DLG2: variants seen among roughly 807,000 people sequenced by gnomAD.
DLG2 encodes the protein discs large MAGUK scaffold protein 2.
In DLG2, 45 loss-of-function variants were observed where a neutral mutation model predicts 132.5. The observed-to-expected ratio is 0.34, with a 90% confidence interval of 0.27 to 0.44. DLG2 has a LOEUF of 0.44. Ranked by LOEUF, DLG2 falls within the 20% of genes least tolerant of loss-of-function variation. The pLI is 1.00. For missense variants in DLG2, 1,045 were observed against 1,196.9 expected (o/e 0.87, Z 1.87); for synonymous variants, 424 against 419.6 (o/e 1.01, Z -0.13).
At chr11:84,942,477 G>A (rs6592218) in intron 6 of DLG2, among the ~76,000 whole-genome samples, 78,572 of 152,012 alleles carry the variant, frequency 0.52, 20,591 homozygotes, top group East Asian at 0.7. Flanking sequence ...GACACACTAG[G>A]CACATTCAAG....
chr11:83,600,236 G>GGTGGGT (rs1555231718), intron 19 of DLG2, among the ~76,000 whole-genome samples: 1 of 145,512 alleles, frequency 6.9e-6, no homozygotes, highest in Admixed American at 6.9e-5. Flanking sequence ...CTAGCTATAG[G>GGTGGGT]GTGTGTGTGT....
At chr11:85,529,077 G>A (rs971960725) in intron 3 of DLG2, among the ~76,000 whole-genome samples, 6 of 152,144 alleles carry the variant, frequency 3.9e-5, no homozygotes, top group Non-Finnish European at 7.4e-5. Flanking sequence ...ACGAATCTAC[G>A]TGTATTTTAG....
chr11:83,855,894 T>C lies in DLG2; in HGVS notation c.1565+18526A>G, dbSNP rs907110675. Among the ~76,000 whole-genome samples the C allele has an allele frequency of 1.1e-4, 16 of 152,270 alleles. No individual in the cohort carries two copies. In the East Asian group the frequency reaches 2.9e-3, roughly 28 times the overall value. On this transcript the variant is annotated intron_variant, in intron 16 of 27. Coordinates refer to ENST00000376104, the MANE Select transcript of DLG2 (RefSeq NM_001142699.3). ...TTTGCTACATAGGTAAACTTGTTTG[T>C]TGTACTTGAAGGTTTGTTGTACAGG...
At chr11:84,519,507 C>T (rs1349142546) in intron 7 of DLG2, among the ~76,000 whole-genome samples, 2 of 152,132 alleles carry the variant, frequency 1.3e-5, no homozygotes, top group Admixed American at 6.5e-5. Flanking sequence ...TGTAAGAATA[C>T]ATCAAAAATA....
At chr11:83,549,616 A>G (rs1053497450) in intron 19 of DLG2, among the ~76,000 whole-genome samples, 3 of 152,198 alleles carry the variant, frequency 2.0e-5, no homozygotes, top group African/African-American at 7.2e-5. Context: ...AACTTCTTCA[A>G]AACATTTTCT....
chr11:85,628,100 G>A (rs1439691465), upstream of DLG2, among the ~76,000 whole-genome samples: 3 of 152,194 alleles, frequency 2.0e-5, no homozygotes, highest in Non-Finnish European at 4.4e-5. Context: ...ACGGCTGAGA[G>A]GAGAGGAGGC....
At chr11:84,380,124 G>A (rs1278297691) in intron 7 of DLG2, among the ~76,000 whole-genome samples, 4 of 151,886 alleles carry the variant, frequency 2.6e-5, no homozygotes, top group Admixed American at 1.3e-4. Flanking sequence ...AACATTTTTG[G>A]ACAAACAATG....
intron 16 of DLG2, among the ~76,000 whole-genome samples, chr11:83,840,394 C>A (rs2057284314): frequency 6.6e-6 from 1 of 152,164 alleles, no homozygotes. Flanking sequence ...GTCTCCATTT[C>A]ATATTATAAT....
chr11:85,085,926 G>A (rs932483149), intron 6 of DLG2, among the ~76,000 whole-genome samples: 1 of 152,108 alleles, frequency 6.6e-6, no homozygotes, highest in African/African-American at 2.4e-5. Flanking sequence ...TGGTTAGGTT[G>A]TAATTAAAAC....
At chr11:83,528,770 C>T (rs1467253148) in intron 21 of DLG2, among the ~76,000 whole-genome samples, 1 of 152,046 alleles carries the variant, frequency 6.6e-6, no homozygotes, top group Non-Finnish European at 1.5e-5. Context: ...CTGTTCATTC[C>T]CTAAATTGAT....
At chr11:84,282,324 A>G (rs1446050885) in intron 7 of DLG2, among the ~76,000 whole-genome samples, 3 of 152,200 alleles carry the variant, frequency 2.0e-5, no homozygotes, top group African/African-American at 7.2e-5. Context: ...ATAAAGACAG[A>G]AAGGAGAGTA....
chr11:84,612,851 T>C (rs1341191291), intron 6 of DLG2, among the ~76,000 whole-genome samples: 1 of 152,168 alleles, frequency 6.6e-6, no homozygotes, highest in Non-Finnish European at 1.5e-5. Flanking sequence ...TTACGTCATT[T>C]GTCCAATACA....
chr11:85,220,317 A>G (rs188205881), intron 4 of DLG2, among the ~76,000 whole-genome samples: 18 of 152,234 alleles, frequency 1.2e-4, no homozygotes, highest in Admixed American at 6.5e-4. Context: ...TTAAGCATCT[A>G]AAGAGGTAAA....
intron 3 of DLG2, among the ~76,000 whole-genome samples, chr11:85,482,244 T>C (rs1226235532): frequency 1.3e-5 from 2 of 151,888 alleles, no homozygotes; most frequent in East Asian, 1.9e-4. Context: ...TCTGTGAATA[T>C]AGGATCCAGG....
intron 6 of DLG2, among the ~76,000 whole-genome samples, chr11:84,536,930 G>A (rs916785532): frequency 6.6e-6 from 1 of 152,084 alleles, no homozygotes; most frequent in African/African-American, 2.4e-5. Context: ...CTGTCTGTGG[G>A]GTTGCCCGTT....
chr11:83,846,099 T>C (rs2154024157), intron 16 of DLG2, among the ~76,000 whole-genome samples: 1 of 152,324 alleles, frequency 6.6e-6, no homozygotes, highest in South Asian at 2.1e-4. Context: ...GAACAAATAT[T>C]AAGTCATATA....
intron 7 of DLG2, among the ~76,000 whole-genome samples, chr11:84,502,261 TCCTTCCTTCCTTCCTTC>T (rs2099214868): frequency 1.8e-5 from 1 of 55,278 alleles, no homozygotes; most frequent in East Asian, 3.3e-4. Context: ...CTTCCTTCCT[TCCTTCCTTCCTTCCTTC>T]CTTCTTTCTT....
chr11:83,809,859 A>G (rs1434640975), intron 17 of DLG2, among the ~76,000 whole-genome samples: 2 of 152,172 alleles, frequency 1.3e-5, no homozygotes, highest in African/African-American at 4.8e-5. Flanking sequence ...TGAATATTAT[A>G]TTAGAAGACA....
At chr11:83,998,088 A>G (rs2094146095) in intron 11 of DLG2, among the ~76,000 whole-genome samples, 1 of 151,998 alleles carries the variant, frequency 6.6e-6, no homozygotes, top group South Asian at 2.1e-4. Context: ...GTGAGCTGAG[A>G]TCCCACCACT....
Sources: allele counts gnomAD v4.1 joint callset (sites outside exome capture counted in the v4.1 genomes callset), GRCh38; gene constraint gnomAD v4.1.1; transcripts MANE v1.5; gene names NCBI Gene and HGNC (gene_info 2026-07-23, HGNC 2026-07-21).